Variants in ZNF676 observed in about 807,000 individuals in gnomAD.
The protein encoded by ZNF676 is zinc finger protein 676.
ZNF676 carries 4 observed loss-of-function variants against 6.0 expected under a neutral mutation model. The observed-to-expected ratio is 0.67, with a 90% confidence interval of 0.33 to 1.53. The LOEUF (loss-of-function observed/expected upper bound fraction) is 1.53. Among genes scored for constraint, ZNF676 ranks in the 40% most tolerant of loss-of-function variants. The pLI is 0.06. For synonymous variants in ZNF676, 198 were observed against 223.1 expected (o/e 0.89, Z 1.00); for missense variants, 644 against 679.7 (o/e 0.95, Z 0.58).
the ZNF676 span, among the ~76,000 whole-genome samples, chr19:22,248,544 C>T: frequency 6.6e-6 from 1 of 152,116 alleles, no homozygotes; most frequent in African/African-American, 2.4e-5. Context: ...GAAAAGATCC[C>T]TTCATGACTG....
chr19:22,229,623 C>T, the ZNF676 span, among the ~76,000 whole-genome samples: 3 of 152,126 alleles, frequency 2.0e-5, no homozygotes, highest in Non-Finnish European at 4.4e-5. Flanking sequence ...GGCTAATATC[C>T]AGGCTCTACA....
chr19:22,181,501 G>C lies in ZNF676; in HGVS notation c.216C>G (p.Asp72Glu). The part of the protein sequence containing the change: ...SFQKMILRRY[D>E]KCGHENLHLK... ...AGTGTAAATTCTCATGTCCACATTT[G>C]TCATATCTTCTCAATATCATTTTTT... Residue 72 changes from aspartate (D) to glutamate (E), a missense_variant, in exon 3 of 3, where the codon GAC becomes GAG. Transcript: ENST00000397121. 1 of 1,613,078 alleles carries C rather than the reference G, an allele frequency of 6.2e-7. No individual in the cohort carries two copies. The highest frequency in any genetic ancestry group is 8.5e-7 in the Non-Finnish European group (1 of 1,179,604).
intron 1 of ZNF676, among the ~76,000 whole-genome samples, chr19:22,207,415 T>C (rs2024086502): frequency 6.6e-6 from 1 of 152,076 alleles, no homozygotes; most frequent in South Asian, 2.1e-4. Context: ...ATGACAAGAA[T>C]TACAAAACAA....
rs112326121 is a variant in ZNF676, at chr19:22,191,669, G to A, written c.130+1347C>T. On this transcript the variant is annotated intron_variant, in intron 2 of 2. Transcript: ENST00000397121. ...AACCTGCCCTAGCGTCTACCCTACT[G>A]AGCAACGTCCTGAAGGATATTTACT... 5.3e-3 allele frequency among the ~76,000 whole-genome samples: 810 copies of A among 152,184 alleles called. 5 individuals carry two copies. The highest frequency in any genetic ancestry group is 0.018 in the African/African-American group (767 of 41,530).
At position 22,185,871 on chromosome 19, in the gene ZNF676, T is replaced by C. The variant is rs140589863; in HGVS notation, c.131-4285A>G. ...AGAAACAAACAAAGCCTCCAAGAAA[T>C]ATGGGACTATGAAAGGACCAAATCT... On this transcript the variant is annotated intron_variant, in intron 2 of 2. Coordinates refer to ENST00000397121, the MANE Select transcript of ZNF676 (RefSeq NM_001001411.3). Among the ~76,000 whole-genome samples, 1,160 of 151,756 alleles carry C rather than the reference T, an allele frequency of 7.6e-3. 14 individuals are homozygous for C. The highest frequency in any genetic ancestry group is 0.026 in the African/African-American group (1,094 of 41,296).
the ZNF676 span, among the ~76,000 whole-genome samples, chr19:22,241,788 G>A: frequency 6.6e-6 from 1 of 151,966 alleles, no homozygotes; most frequent in East Asian, 1.9e-4. Context: ...AATTGCCCAT[G>A]AGATGGTTTT....
chr19:22,217,797 G>T (rs765487581), upstream of ZNF676, among the ~76,000 whole-genome samples: 3 of 151,910 alleles, frequency 2.0e-5, no homozygotes, highest in Admixed American at 6.6e-5. Context: ...TCCACCTCCC[G>T]GGTTCAAGCG....
the ZNF676 span, among the ~76,000 whole-genome samples, chr19:22,223,627 T>C: frequency 6.6e-6 from 1 of 152,082 alleles, no homozygotes; most frequent in African/African-American, 2.4e-5. Flanking sequence ...GATAATATGT[T>C]AGAATTTACA....
the ZNF676 span, among the ~76,000 whole-genome samples, chr19:22,255,823 T>TGCACTCCA: frequency 2.0e-5 from 3 of 149,546 alleles, no homozygotes; most frequent in African/African-American, 5.0e-5. Context: ...CCTGCACTCC[T>TGCACTCCA]GCACTCCAGC....
chr19:22,230,041 A>G, the ZNF676 span, among the ~76,000 whole-genome samples: 1 of 152,190 alleles, frequency 6.6e-6, no homozygotes, highest in Non-Finnish European at 1.5e-5. Flanking sequence ...ATAAAGACAC[A>G]TGCACACGTA....
At chr19:22,190,551 AAG>A (rs2144750243) in intron 2 of ZNF676, among the ~76,000 whole-genome samples, 2 of 147,670 alleles carry the variant, frequency 1.4e-5, no homozygotes, top group Non-Finnish European at 3.0e-5. Flanking sequence ...CTGATTTCAA[AAG>A]ACATTCCAAG....
chr19:22,201,730 G>GA (rs2024027393), upstream of ZNF676, among the ~76,000 whole-genome samples: 1 of 22,968 alleles, frequency 4.4e-5, no homozygotes, highest in African/African-American at 2.3e-4. Context: ...ATTTGTAAAG[G>GA]CAAAAAAAAA....
At chr19:22,222,227 C>G in the ZNF676 span, among the ~76,000 whole-genome samples, 2 of 152,112 alleles carry the variant, frequency 1.3e-5, no homozygotes, top group Non-Finnish European at 2.9e-5. Flanking sequence ...GCCTCAGACT[C>G]CCGAGTAGCT....
At chr19:22,190,037 T>C (rs2023882558) in intron 2 of ZNF676, among the ~76,000 whole-genome samples, 1 of 152,036 alleles carries the variant, frequency 6.6e-6, no homozygotes, top group Non-Finnish European at 1.5e-5. Flanking sequence ...AATCAAAAGT[T>C]TATAAATCAT....
At chr19:22,206,229 T>G (rs1004156033) in intron 1 of ZNF676, among the ~76,000 whole-genome samples, 1 of 152,120 alleles carries the variant, frequency 6.6e-6, no homozygotes, top group Admixed American at 6.6e-5. Flanking sequence ...TGATATTATT[T>G]CTACCAGAAC....
At chr19:22,235,989 T>A in the ZNF676 span, among the ~76,000 whole-genome samples, 1 of 150,476 alleles carries the variant, frequency 6.6e-6, no homozygotes, top group Non-Finnish European at 1.5e-5. Context: ...TGGTTAAGCT[T>A]ACGATAATCC....
At chr19:22,259,271 T>C in the ZNF676 span, among the ~76,000 whole-genome samples, 1 of 152,106 alleles carries the variant, frequency 6.6e-6, no homozygotes, top group Admixed American at 6.5e-5. Context: ...TGGGCAGGAC[T>C]CAGGAAGAAG....
At position 22,196,148 on chromosome 19, in the gene ZNF676, G is replaced by A. The variant is rs117030539; in HGVS notation, c.34+452C>T. On this transcript the variant is annotated intron_variant, in intron 1 of 2. Transcript: ENST00000397121. ...TGGGAGCTGAATGCCTGAGTGTTGT[G>A]ACCAACTCAGCATTCCACTGGAGGC... Among the ~76,000 whole-genome samples, 10 of 152,204 alleles carry A rather than the reference G, an allele frequency of 6.6e-5. No individual in the cohort carries two copies. The East Asian group carries it at 1.9e-3, about 29-fold the overall frequency.
rs1292864088 is a variant in ZNF676, at chr19:22,179,332, G to A, written c.*618C>T. The A allele has an allele frequency of 9.3e-6, 2 of 215,346 alleles. No individual in the cohort carries two copies. The highest frequency in any genetic ancestry group is 1.9e-5 in the Non-Finnish European group (2 of 105,286). 13.3% of individuals were successfully genotyped at this position (215,346 alleles called of 1,614,324 possible). A position where few individuals can be genotyped will look rare whatever the true frequency, so the allele number is the denominator to read the frequency against. ...TATGTTTCTTAAGAATTGAGGATCT[G>A]TTAGAGGCTTTCCCACATTCTTCAC... On this transcript the variant is annotated 3_prime_UTR_variant, in exon 3 of 3. Transcript: ENST00000397121.
Sources: allele counts gnomAD v4.1 joint callset (sites outside exome capture counted in the v4.1 genomes callset), GRCh38; gene constraint gnomAD v4.1.1; transcripts MANE v1.5; gene names NCBI Gene and HGNC (gene_info 2026-07-23, HGNC 2026-07-21).